The following TIAM1 variants were observed in gnomAD, a reference collection of about 807,000 sequenced individuals.
TIAM1 encodes TIAM Rac1 associated GEF 1, also known as rho guanine nucleotide exchange factor TIAM1.
A neutral mutation model predicts 163.5 loss-of-function variants in TIAM1; 65 were observed. The observed-to-expected ratio is 0.40, with a 90% CI of 0.33 to 0.49. The LOEUF is 0.49. TIAM1 is among the 20% of genes least tolerant of loss of function. The probability of loss-of-function intolerance (pLI) is 0.77; values close to 1 mark genes in which losing one functional copy is unlikely to be tolerated. For missense variants in TIAM1, 1,789 were observed against 2,044.7 expected (o/e 0.87, Z 2.41); for synonymous variants, 833 against 810.1 (o/e 1.03, Z -0.48).
At chr21:31,313,406 T>C (rs1199573653) in intron 2 of TIAM1, among the ~76,000 whole-genome samples, 1 of 152,200 alleles carries the variant, frequency 6.6e-6, no homozygotes, top group Non-Finnish European at 1.5e-5. Flanking sequence ...AATGTTATTC[T>C]GAGTCTTCTG....
At chr21:31,208,180 G>A (rs2086550639) in intron 11 of TIAM1, among the ~76,000 whole-genome samples, 1 of 152,114 alleles carries the variant, frequency 6.6e-6, no homozygotes, top group South Asian at 2.1e-4. Flanking sequence ...TGAAACATAC[G>A]TAAAGTGGGC....
intron 1 of TIAM1, among the ~76,000 whole-genome samples, chr21:31,538,546 G>A (rs1481147551): frequency 4.7e-4 from 71 of 152,110 alleles, no homozygotes; most frequent in Non-Finnish European, 2.5e-4. Context: ...GTAAAATGGG[G>A]ATGATATCAC....
In TIAM1 at chr21:31,407,629, ATTTTTTTTTTTT is replaced by A. The variant is rs562921160; in HGVS notation, c.-369+56342_-369+56353del. Among the ~76,000 whole-genome samples the A allele has an allele frequency of 2.9e-4, 27 of 94,092 alleles. No individual in the cohort carries two copies. In the East Asian group the frequency reaches 3.1e-3, roughly 11 times the overall value. The allele number at this position is 94,092 out of a possible 152,430, so 61.7% of individuals were successfully genotyped here. A position where few individuals can be genotyped will look rare whatever the true frequency, so the allele number is the denominator to read the frequency against. On this transcript the variant is annotated intron_variant, in intron 2 of 28. Transcript: ENST00000286827. ...TTTTCAAATGAGTCATTTGCTCTTA[ATTTTTTTTTTTT>A]TTTTTTTTTTTTTGGACAGAGTCTC... is the stretch of plus-strand genomic sequence containing the variant.
chr21:31,432,749 T>C (rs1407042548), intron 2 of TIAM1, among the ~76,000 whole-genome samples: 1 of 152,122 alleles, frequency 6.6e-6, no homozygotes, highest in Non-Finnish European at 1.5e-5. Context: ...ATGTGCCTTG[T>C]GGATGAAATA....
chr21:31,247,926 G>A (rs914666995), intron 5 of TIAM1, among the ~76,000 whole-genome samples: 2 of 152,122 alleles, frequency 1.3e-5, no homozygotes, highest in African/African-American at 2.4e-5. Flanking sequence ...GGGGGAAACC[G>A]TTTTCCTCTA....
intron 2 of TIAM1, among the ~76,000 whole-genome samples, chr21:31,425,440 T>C (rs1017593865): frequency 2.0e-5 from 3 of 152,060 alleles, no homozygotes; most frequent in African/African-American, 7.2e-5. Context: ...TAATCTGGTA[T>C]TGAGTGCCAA....
chr21:31,315,161 A>C (rs933545038), intron 2 of TIAM1, among the ~76,000 whole-genome samples: 5 of 152,032 alleles, frequency 3.3e-5, no homozygotes, highest in African/African-American at 1.2e-4. Context: ...ACCTGAAGTC[A>C]AGAGTTGGAG....
chr21:31,230,629 G>A (rs1429244231), intron 6 of TIAM1, among the ~76,000 whole-genome samples: 1 of 152,070 alleles, frequency 6.6e-6, no homozygotes, highest in African/African-American at 2.4e-5. Context: ...GGTTCAAGTG[G>A]TTCTCCTGCC....
chr21:31,555,839 A>T (rs1016856126), intron 1 of TIAM1, among the ~76,000 whole-genome samples: 2 of 152,002 alleles, frequency 1.3e-5, no homozygotes, highest in African/African-American at 4.8e-5. Context: ...CCCTCAGCAA[A>T]CTCTCCCAAG....
At chr21:31,192,720 C>G (rs2085624954) in intron 13 of TIAM1, among the ~76,000 whole-genome samples, 1 of 152,130 alleles carries the variant, frequency 6.6e-6, no homozygotes, top group African/African-American at 2.4e-5. Context: ...TTCTACCAAA[C>G]AGTAGAATCA....
At chr21:31,215,210 C>T (rs891526497) in intron 9 of TIAM1, among the ~76,000 whole-genome samples, 3 of 152,022 alleles carry the variant, frequency 2.0e-5, no homozygotes, top group East Asian at 3.9e-4. Flanking sequence ...GAAAACAAGT[C>T]CAAACTGTGA....
rs78233100 is a variant in TIAM1, at chr21:31,365,013, T to A, written c.-368-25591A>T. 2.5e-3 allele frequency among the ~76,000 whole-genome samples: 374 copies of A among 152,340 alleles called. 4 individuals carry two copies. The highest frequency in any genetic ancestry group is 8.7e-3 in the African/African-American group (360 of 41,580). ...AAAACTTTATTCATGAATGCTGAAATCTGAATTTCATGATTTTTACATGAC... is the reference window on the plus strand; with the variant it reads ...AAAACTTTATTCATGAATGCTGAAAACTGAATTTCATGATTTTTACATGAC... On this transcript the variant is annotated intron_variant, in intron 2 of 28. Coordinates refer to the TIAM1 transcript ENST00000286827.
chr21:31,151,627 TA>T (rs1386245388), intron 19 of TIAM1, among the ~76,000 whole-genome samples: 1 of 152,174 alleles, frequency 6.6e-6, no homozygotes, highest in African/African-American at 2.4e-5. Context: ...GAGAAATGAT[TA>T]TGTGCATTGT....
At chr21:31,297,755 G>A (rs569903315) in intron 2 of TIAM1, among the ~76,000 whole-genome samples, 15 of 152,246 alleles carry the variant, frequency 9.9e-5, no homozygotes, top group South Asian at 4.2e-4. Context: ...TGTGTTTTAC[G>A]TTAGGGTTTT....
intron 2 of TIAM1, among the ~76,000 whole-genome samples, chr21:31,391,107 G>A (rs978423294): frequency 1.3e-5 from 2 of 151,978 alleles, no homozygotes; most frequent in East Asian, 1.9e-4. Context: ...ACGATGCTAC[G>A]TGTGCACTCA....
At chr21:31,415,425 A>C (rs2043337471) in intron 2 of TIAM1, among the ~76,000 whole-genome samples, 1 of 152,154 alleles carries the variant, frequency 6.6e-6, no homozygotes. Context: ...TATTCTTTCA[A>C]AGTCCAGTAT....
intron 23 of TIAM1, among the ~76,000 whole-genome samples, chr21:31,135,300 A>G (rs926196516): frequency 3.3e-5 from 5 of 152,238 alleles, no homozygotes; most frequent in Admixed American, 3.3e-4. Context: ...GCATATTACA[A>G]TACAATCACA....
chr21:31,483,297 C>A lies in TIAM1; in HGVS notation c.-421-19262G>T, dbSNP rs375143170. On this transcript the variant is annotated intron_variant, in intron 1 of 28. Transcript: ENST00000286827. ...CTGAGGTCTTGAAAAGACACATACGCACTGCACCCCACGCTTCAACCCGAG... is the reference window on the plus strand; with the variant it reads ...CTGAGGTCTTGAAAAGACACATACGAACTGCACCCCACGCTTCAACCCGAG... 1.4e-4 allele frequency among the ~76,000 whole-genome samples: 21 copies of A among 152,310 alleles called. No individual in the cohort carries two copies. The East Asian group carries it at 3.7e-3, about 27-fold the overall frequency.
chr21:31,453,706 A>G lies in TIAM1; in HGVS notation c.-369+10277T>C, dbSNP rs1019047738. Among the ~76,000 whole-genome samples, 400 of 149,808 alleles carry G rather than the reference A, an allele frequency of 2.7e-3. 3 individuals carry two copies. Among genetic ancestry groups the G allele is most frequent in the African/African-American group, 8.8e-3 (359 of 40,904 alleles). On this transcript the variant is annotated intron_variant, in intron 2 of 28. Coordinates refer to the TIAM1 transcript ENST00000286827. ...CCATCTCCAGTAAATAAATAAATAA[A>G]TAAATAAATAAATAAATAAATAAAT... is the stretch of plus-strand genomic sequence containing the variant.
Sources: allele counts gnomAD v4.1 joint callset (sites outside exome capture counted in the v4.1 genomes callset), GRCh38; gene constraint gnomAD v4.1.1; transcripts MANE v1.5; gene names NCBI Gene and HGNC (gene_info 2026-07-23, HGNC 2026-07-21).